Variants in TENM3 observed in about 807,000 individuals in gnomAD.
TENM3 encodes teneurin transmembrane protein 3.
TENM3 carries 63 observed loss-of-function variants against 255.1 expected under a neutral mutation model. The ratio of observed to expected loss-of-function variants is 0.25; its 90% CI spans 0.20 to 0.30. The LOEUF (loss-of-function observed/expected upper bound fraction) is 0.30, where lower values mean the gene tolerates loss of function less well. Ranked by LOEUF, TENM3 falls within the 10% of genes least tolerant of loss-of-function variation. TENM3 has a pLI of 1.00. For missense variants in TENM3, 2,929 were observed against 3,461.1 expected (o/e 0.85, Z 3.86); for synonymous variants, 1,306 against 1,322.3 (o/e 0.99, Z 0.27).
At chr4:182,620,763 C>T (rs142610166) in intron 4 of TENM3, among the ~76,000 whole-genome samples, 348 of 152,306 alleles carry the variant, frequency 2.3e-3, no homozygotes, top group African/African-American at 8.2e-3. Flanking sequence ...GGGTCTTGCT[C>T]TGTTGCCCAG....
rs768120918 is a variant in TENM3, at chr4:182,323,161, T to C, written c.-75-785T>C. Among the ~76,000 whole-genome samples, 5 of 152,112 alleles carry C rather than the reference T, an allele frequency of 3.3e-5. No individual in the cohort carries two copies. The East Asian group carries it at 5.8e-4, about 18-fold the overall frequency. On this transcript the variant is annotated intron_variant, in intron 1 of 27. Transcript: ENST00000511685. ...CTGTCAGTTCAGCAAATTCAGGAAA[T>C]AGAGAGTTTTTAAGCAGAGCAACAC...
chr4:182,749,032 C>T lies in TENM3; in HGVS notation c.3630-2768C>T, dbSNP rs148055877. On this transcript the variant is annotated intron_variant, in intron 19 of 27. Transcript: ENST00000511685. ...AAAACTGATGACAATAAAGGCAAAG[C>T]TTATCACTTGAATGTCCATTCGTTT... 2.0e-3 allele frequency among the ~76,000 whole-genome samples: 311 copies of T among 152,246 alleles called. 1 individual carries two copies. Among genetic ancestry groups the T allele is most frequent in the African/African-American group, 7.1e-3 (295 of 41,562 alleles).
intron 16 of TENM3, among the ~76,000 whole-genome samples, chr4:182,731,758 T>C (rs901663077): frequency 2.0e-5 from 3 of 151,198 alleles, no homozygotes; most frequent in Non-Finnish European, 3.0e-5. Flanking sequence ...GACATTGTTA[T>C]AGTAGGATAT....
In TENM3 at chr4:182,799,689, G is replaced by A; in HGVS notation, c.7438G>A (p.Ala2480Thr). Reference sequence around the variant, plus strand: ...CGAGGTGCAGGTGAGCCGGCGCCGGGCCGGCGGCGCGCAGTCCTGGCTGTG... The same window carrying A: ...CGAGGTGCAGGTGAGCCGGCGCCGGACCGGCGGCGCGCAGTCCTGGCTGTG... The part of the protein sequence containing the change: ...MAEVQVSRRR[A>T]GGAQSWLWFA... Residue 2480 changes from alanine (A) to threonine (T), a missense_variant, in exon 28 of 28, where the codon GCC becomes ACC. By Grantham distance (58) the Ala-to-Thr change is moderately conservative. Coordinates refer to ENST00000511685, the MANE Select transcript of TENM3 (RefSeq NM_001080477.4). This position sits in a 1 kb window ranked among gnomAD's most constrained non-coding sequence, Gnocchi z 4.2. 1 of 1,549,220 alleles carries A rather than the reference G, an allele frequency of 6.5e-7. No individual in the cohort carries two copies.
the TENM3 span, among the ~76,000 whole-genome samples, chr4:181,963,207 G>A: frequency 1.4e-4 from 21 of 152,322 alleles, no homozygotes; most frequent in South Asian, 2.9e-3. Context: ...AGCCCGATCC[G>A]TCAGTGGCTA....
At chr4:182,597,316 G>A (rs1747359457) in intron 3 of TENM3, among the ~76,000 whole-genome samples, 1 of 152,150 alleles carries the variant, frequency 6.6e-6, no homozygotes, top group Non-Finnish European at 1.5e-5. Context: ...GGCTGAGGCA[G>A]GAGGATCACT....
At chr4:182,128,341 T>G in the TENM3 span, among the ~76,000 whole-genome samples, 1 of 152,064 alleles carries the variant, frequency 6.6e-6, no homozygotes, top group Non-Finnish European at 1.5e-5. Context: ...TTTCTTTCTT[T>G]TCTTATTTTT....
chr4:181,655,210 T>C, the TENM3 span, among the ~76,000 whole-genome samples: 2 of 152,098 alleles, frequency 1.3e-5, no homozygotes, highest in African/African-American at 4.8e-5. Context: ...CAGAGGGACC[T>C]TAAAAATAAC....
chr4:181,583,761 T>C, the TENM3 span, among the ~76,000 whole-genome samples: 1 of 152,348 alleles, frequency 6.6e-6, no homozygotes, highest in Non-Finnish European at 1.5e-5. Flanking sequence ...GTCTGTCCTT[T>C]CGAAACGTTC....
intron 9 of TENM3, 58 bp downstream of exon 9, chr4:182,680,407 G>A: frequency 8.3e-7 from 1 of 1,208,640 alleles, no homozygotes; most frequent in Non-Finnish European, 1.2e-6. Context: ...AAACACAAGT[G>A]ATTCCAAAAA....
At chr4:182,550,766 T>C (rs762297330) in intron 3 of TENM3, among the ~76,000 whole-genome samples, 1 of 152,188 alleles carries the variant, frequency 6.6e-6, no homozygotes, top group Non-Finnish European at 1.5e-5. Flanking sequence ...ATACTTAATA[T>C]AGTGCTTAAC....
At chr4:181,816,488 G>T in the TENM3 span, among the ~76,000 whole-genome samples, 7 of 152,032 alleles carry the variant, frequency 4.6e-5, no homozygotes, top group Non-Finnish European at 1.0e-4. Flanking sequence ...CCTTCCTTTC[G>T]TCAGGTTATT....
At chr4:182,494,337 A>C (rs1352770311) in intron 3 of TENM3, among the ~76,000 whole-genome samples, 1 of 152,178 alleles carries the variant, frequency 6.6e-6, no homozygotes, top group Non-Finnish European at 1.5e-5. Context: ...AATAAAGTGC[A>C]TACAGTACAG....
At chr4:182,511,406 C>T (rs985521088) in intron 3 of TENM3, among the ~76,000 whole-genome samples, 1 of 152,104 alleles carries the variant, frequency 6.6e-6, no homozygotes, top group Non-Finnish European at 1.5e-5. Flanking sequence ...TTTATGGAAT[C>T]ATGGCAGCTG....
At chr4:181,877,395 C>T in the TENM3 span, among the ~76,000 whole-genome samples, 1 of 152,022 alleles carries the variant, frequency 6.6e-6, no homozygotes, top group Non-Finnish European at 1.5e-5. Flanking sequence ...ACAGCAGATG[C>T]CTTTTTATAG....
chr4:182,697,907 A>T (rs1757552287), intron 12 of TENM3: 2 of 152,320 alleles, frequency 1.3e-5, no homozygotes, highest in South Asian at 2.1e-4. Context: ...CAATATTTTT[A>T]AAACTACTAC....
At chr4:182,364,792 A>G (rs1013472786) in intron 3 of TENM3, among the ~76,000 whole-genome samples, 2 of 152,156 alleles carry the variant, frequency 1.3e-5, no homozygotes, top group African/African-American at 2.4e-5. Flanking sequence ...TTTTCATGCC[A>G]TGATTTATCA....
the TENM3 span, among the ~76,000 whole-genome samples, chr4:181,743,563 A>G: frequency 2.0e-5 from 3 of 152,144 alleles, no homozygotes; most frequent in Admixed American, 6.5e-5. Flanking sequence ...AAAGAAGCTG[A>G]TGCAAATGCT....
At chr4:182,401,023 T>A (rs1321029240) in intron 3 of TENM3, among the ~76,000 whole-genome samples, 2 of 152,196 alleles carry the variant, frequency 1.3e-5, no homozygotes, top group Non-Finnish European at 2.9e-5. Flanking sequence ...GGCAGATGGC[T>A]GTAGCGATGG....
Sources: gnomAD v4.1 joint callset for allele counts (sites outside exome capture counted in the v4.1 genomes callset) on GRCh38, gnomAD v4.1.1 for gene constraint, Gnocchi (gnomAD v3.1) non-coding constraint, MANE v1.5 for transcripts, NCBI Gene and HGNC (gene_info 2026-07-23, HGNC 2026-07-21) for gene names.